The following SOAT1 variants were observed in gnomAD, a reference collection of about 807,000 sequenced individuals.
SOAT1 encodes the protein sterol O-acyltransferase 1.
Under a neutral mutation model 69.5 loss-of-function variants are expected in SOAT1, and 55 were observed. The ratio of observed to expected loss-of-function variants is 0.79; its 90% confidence interval spans 0.64 to 0.99. The LOEUF is 0.99. Ranked by LOEUF, SOAT1 falls within the 50% of genes least tolerant of loss-of-function variation. The probability of loss-of-function intolerance (pLI) is 0.00; values close to 1 mark genes in which losing one functional copy is unlikely to be tolerated. For missense variants in SOAT1, 580 were observed against 669.3 expected, an observed-to-expected ratio of 0.87 and a Z score of 1.47; for synonymous variants, 231 against 224.7, an observed-to-expected ratio of 1.03 and a Z score of -0.25.
chr1:179,296,056 G>A (rs6671532), intron 1 of SOAT1, among the ~76,000 whole-genome samples: 71,348 of 138,400 alleles, frequency 0.52, 18,697 homozygotes, highest in East Asian at 0.84. Flanking sequence ...TCCAACCTCA[G>A]GTGATCCACC....
At chr1:179,341,350 G>C in intron 7 of SOAT1, 40 bp downstream of exon 7, 1 of 1,562,150 alleles carries the variant, frequency 6.4e-7, no homozygotes, top group Non-Finnish European at 8.7e-7. Context: ...GCTGTCCTCG[G>C]CTAAAATAAT....
intron 12 of SOAT1, 27 bp from the exon 13 acceptor site, chr1:179,348,817 G>A: frequency 1.2e-6 from 1 of 807,984 alleles, no homozygotes; most frequent in East Asian, 2.5e-5. Context: ...TGTGTGTGTA[G>A]TTTTATACCT....
chr1:179,340,124 A>G (rs1183047299), intron 6 of SOAT1, among the ~76,000 whole-genome samples: 1 of 152,172 alleles, frequency 6.6e-6, no homozygotes. Flanking sequence ...GATTGTCTTT[A>G]TTTAAGATGG....
At chr1:179,315,083 A>G (rs996371316) in intron 2 of SOAT1, among the ~76,000 whole-genome samples, 3 of 152,160 alleles carry the variant, frequency 2.0e-5, no homozygotes, top group African/African-American at 7.2e-5. Flanking sequence ...CTGGCTTATC[A>G]TTGTTTCAGG....
chr1:179,306,695 G>A (rs962605648), intron 2 of SOAT1, among the ~76,000 whole-genome samples: 9 of 151,926 alleles, frequency 5.9e-5, no homozygotes, highest in African/African-American at 1.9e-4. Flanking sequence ...AGCCGGGTGC[G>A]GTGGTGGGCA....
intron 7 of SOAT1, 135 bp from the exon 8 acceptor site, chr1:179,341,979 T>C: frequency 5.4e-6 from 6 of 1,116,396 alleles, no homozygotes; most frequent in Non-Finnish European, 7.0e-6. Context: ...ATAATAAAGG[T>C]TTTATTTTAA....
rs1337499237 is a variant in SOAT1, at chr1:179,357,567, A to C, written c.*3926A>C. On this transcript the variant is annotated 3_prime_UTR_variant, in exon 16 of 16. Coordinates refer to ENST00000367619, the MANE Select transcript of SOAT1 (RefSeq NM_003101.6). Reference sequence around the variant, plus strand: ...TTGTATCATTATTAAAGTTTCTGTCAGGTAATACAGTGTTGGCCCTCTGTT... The same window carrying C: ...TTGTATCATTATTAAAGTTTCTGTCCGGTAATACAGTGTTGGCCCTCTGTT... 8.4e-6 allele frequency: 1 copy of C among 119,688 alleles called. No individual in the cohort carries two copies. Among genetic ancestry groups the C allele is most frequent in the Non-Finnish European group, 1.9e-5 (1 of 51,472 alleles). 7.4% of individuals were successfully genotyped at this position (119,688 alleles called of 1,614,324 possible).
chr1:179,335,791 GTTAC>G (rs1666127132), intron 4 of SOAT1, 134 bp downstream of exon 4: 1 of 761,238 alleles, frequency 1.3e-6, no homozygotes. Flanking sequence ...CATTGGGAAA[GTTAC>G]TTAACCATTT....
At chr1:179,299,522 A>G (rs189882172) in intron 1 of SOAT1, among the ~76,000 whole-genome samples, 60 of 152,254 alleles carry the variant, frequency 3.9e-4, no homozygotes, top group African/African-American at 1.4e-3. Flanking sequence ...TAGACAGGGA[A>G]GAGTATATGG....
At chr1:179,347,478 A>G in intron 11 of SOAT1, 122 bp from the exon 12 acceptor site, 1 of 609,600 alleles carries the variant, frequency 1.6e-6, no homozygotes, top group Non-Finnish European at 2.9e-6. Context: ...GAATGGGTAA[A>G]CTGGAATAAT....
chr1:179,322,662 T>C (rs1665642787), intron 2 of SOAT1, among the ~76,000 whole-genome samples: 1 of 152,226 alleles, frequency 6.6e-6, no homozygotes, highest in Non-Finnish European at 1.5e-5. Flanking sequence ...AACATATTTA[T>C]CTCATATTTT....
intron 2 of SOAT1, among the ~76,000 whole-genome samples, chr1:179,322,689 G>C (rs760340614): frequency 6.6e-6 from 1 of 152,216 alleles, no homozygotes; most frequent in African/African-American, 2.4e-5. Context: ...CACATAGATA[G>C]TGTGAATTTA....
intron 3 of SOAT1, among the ~76,000 whole-genome samples, chr1:179,329,915 T>A (rs371019411): frequency 1.3e-5 from 2 of 152,146 alleles, no homozygotes; most frequent in Non-Finnish European, 2.9e-5. Flanking sequence ...TGTCAACAGT[T>A]CAGAGGTAGC....
chr1:179,314,476 G>A (rs1665325233), intron 2 of SOAT1, among the ~76,000 whole-genome samples: 3 of 152,288 alleles, frequency 2.0e-5, no homozygotes, highest in East Asian at 3.9e-4. Flanking sequence ...GCTGAGTGGG[G>A]CCTGATTGCA....
chr1:179,317,308 C>T (rs1249861032), intron 2 of SOAT1, among the ~76,000 whole-genome samples: 2 of 152,084 alleles, frequency 1.3e-5, no homozygotes, highest in African/African-American at 4.8e-5. Flanking sequence ...CCGAGGCGGG[C>T]GGATCACGAG....
At chr1:179,317,735 A>T (rs541230142) in intron 2 of SOAT1, among the ~76,000 whole-genome samples, 1 of 148,504 alleles carries the variant, frequency 6.7e-6, no homozygotes, top group African/African-American at 2.5e-5. Context: ...TCATTCACTT[A>T]TCTGTGTAGG....
rs1013000613 is a variant in SOAT1 at position 179,350,225 on chromosome 1, T to C, written c.1315-71T>C. ...AATAGGTGCCTTTGGCATATAATTTTACATCCTATATAATCCATGCTTGCT... is the reference window on the plus strand; with the variant it reads ...AATAGGTGCCTTTGGCATATAATTTCACATCCTATATAATCCATGCTTGCT... On this transcript the variant is annotated intron_variant, in intron 13 of 15. Transcript: ENST00000367619. 4 of 1,311,840 alleles carry C rather than the reference T, an allele frequency of 3.0e-6. No homozygotes were observed. The East Asian group carries it at 9.3e-5, about 31-fold the overall frequency. The allele number at this position is 1,311,840 out of a possible 1,614,324, so 81.3% of individuals were successfully genotyped here.
In SOAT1 at chr1:179,341,229, A is replaced by G; in HGVS notation, c.699A>G (p.Gly233=). Residue 233 remains glycine (G), a synonymous_variant, in exon 7 of 16, where the codon GGA becomes GGG. Transcript: ENST00000367619. ...TTCTTTTCATGATCTTCCAGATTGG[A>G]GTTCTAGGTTTTGGACCAACATATG... ...HGFLFMIFQI[G]VLGFGPTYVV... 1 of 1,613,900 alleles carries G rather than the reference A, an allele frequency of 6.2e-7. No individual in the cohort carries two copies. The highest frequency in any genetic ancestry group is 1.1e-5 in the South Asian group (1 of 91,076).
intron 1 of SOAT1, chr1:179,294,317 A>G (rs1467677561): frequency 1.3e-5 from 2 of 152,180 alleles, no homozygotes; most frequent in Non-Finnish European, 2.9e-5. Context: ...GAAGGGAAGG[A>G]TGGTATTAGC....
Sources: gnomAD v4.1 joint callset for allele counts (sites outside exome capture counted in the v4.1 genomes callset) on GRCh38, gnomAD v4.1.1 for gene constraint, MANE v1.5 for transcripts, NCBI Gene and HGNC (gene_info 2026-07-23, HGNC 2026-07-21) for gene names.